Variants in RSRC1 observed in about 807,000 individuals in gnomAD.
The protein encoded by RSRC1 is arginine and serine rich coiled-coil 1.
Under a neutral mutation model 49.1 loss-of-function variants are expected in RSRC1, and 39 were observed. That is an observed-to-expected ratio of 0.79 (90% confidence interval 0.61 to 1.04). The LOEUF (loss-of-function observed/expected upper bound fraction) is 1.04. Ranked by LOEUF, RSRC1 falls within the 50% of genes least tolerant of loss-of-function variation. The pLI is 0.00. For missense variants in RSRC1, 388 were observed against 402.4 expected (o/e 0.96, Z 0.31); for synonymous variants, 143 against 130.8 (o/e 1.09, Z -0.63).
intron 5 of RSRC1, among the ~76,000 whole-genome samples, chr3:158,308,147 C>T (rs1727940427): frequency 6.6e-6 from 1 of 151,926 alleles, no homozygotes; most frequent in Non-Finnish European, 1.5e-5. Flanking sequence ...CCTAAATGAT[C>T]AGATGCCGAA....
At chr3:158,352,561 T>G (rs1730934984) in intron 5 of RSRC1, among the ~76,000 whole-genome samples, 1 of 152,212 alleles carries the variant, frequency 6.6e-6, no homozygotes. Context: ...GATTTTTCTA[T>G]TAAAGGACAC....
At chr3:158,196,639 G>A (rs1258557920) in intron 3 of RSRC1, among the ~76,000 whole-genome samples, 3 of 152,136 alleles carry the variant, frequency 2.0e-5, no homozygotes, top group African/African-American at 7.2e-5. Context: ...CTGTGGGTTT[G>A]TGATAGATAG....
intron 7 of RSRC1, among the ~76,000 whole-genome samples, chr3:158,477,638 G>T (rs1400947438): frequency 6.6e-6 from 1 of 151,472 alleles, no homozygotes; most frequent in Non-Finnish European, 1.5e-5. Flanking sequence ...ATGCACTAGG[G>T]AAGAGTAAAT....
chr3:158,390,620 G>C (rs1029347801), intron 6 of RSRC1, among the ~76,000 whole-genome samples: 5 of 151,830 alleles, frequency 3.3e-5, no homozygotes, highest in Non-Finnish European at 7.4e-5. Flanking sequence ...TATAATAATC[G>C]TAATATAAAT....
At chr3:158,321,707 C>T (rs1728772550) in intron 5 of RSRC1, among the ~76,000 whole-genome samples, 1 of 151,758 alleles carries the variant, frequency 6.6e-6, no homozygotes, top group South Asian at 2.1e-4. Context: ...ACCAACCTAA[C>T]AGAAGTTATC....
intron 3 of RSRC1, among the ~76,000 whole-genome samples, chr3:158,169,904 T>C (rs1718774124): frequency 6.6e-6 from 1 of 152,240 alleles, no homozygotes; most frequent in African/African-American, 2.4e-5. Context: ...TTCAAAACTT[T>C]GCCAAGAAGA....
At chr3:158,173,732 A>G (rs1719021179) in intron 3 of RSRC1, among the ~76,000 whole-genome samples, 1 of 152,026 alleles carries the variant, frequency 6.6e-6, no homozygotes, top group African/African-American at 2.4e-5. Context: ...TGAACGAATA[A>G]ACAAAATGTG....
At chr3:158,517,728 A>G (rs960214691) in intron 7 of RSRC1, among the ~76,000 whole-genome samples, 6 of 133,574 alleles carry the variant, frequency 4.5e-5, no homozygotes, top group Admixed American at 2.4e-4. Flanking sequence ...TGCTGAAACT[A>G]TAGGTGTATA....
At chr3:158,234,598 T>TA (rs34402121) in intron 4 of RSRC1, among the ~76,000 whole-genome samples, 103,288 of 151,520 alleles carry the variant, frequency 0.68, 35,629 homozygotes, top group East Asian at 0.84. Context: ...CTTCCTCATA[T>TA]TTTTTTTAAA....
In RSRC1 at chr3:158,203,162, A is replaced by G; in HGVS notation, c.411A>G (p.Glu137=). 1 of 1,613,554 alleles carries G rather than the reference A, an allele frequency of 6.2e-7. No individual in the cohort carries two copies. Among genetic ancestry groups the G allele is most frequent in the Non-Finnish European group, 8.5e-7 (1 of 1,179,610 alleles). ...RRTRSRSRDR[E]RRKGRDKEKR... Reference sequence around the variant, plus strand: ...CGCGTAGTCGGTCTCGGGATAGAGAACGACGTAAGGGCAGAGATAAAGAGA... The same window carrying G: ...CGCGTAGTCGGTCTCGGGATAGAGAGCGACGTAAGGGCAGAGATAAAGAGA... The change falls in exon 4 of 10, where the codon GAA becomes GAG. Residue 137 remains glutamate (E), a synonymous_variant. Transcript: ENST00000611884.
At chr3:158,196,482 T>C (rs1559938158) in intron 3 of RSRC1, among the ~76,000 whole-genome samples, 1 of 152,198 alleles carries the variant, frequency 6.6e-6, no homozygotes, top group Non-Finnish European at 1.5e-5. Context: ...CCTAATTGAA[T>C]ACCCTTTATT....
chr3:158,229,314 A>C, intron 4 of RSRC1, among the ~76,000 whole-genome samples: 1 of 150,642 alleles, frequency 6.6e-6, no homozygotes, highest in Non-Finnish European at 1.5e-5. Context: ...ATGTATGTAT[A>C]TAAACATACA....
At chr3:158,473,062 G>A (rs529825497) in intron 7 of RSRC1, among the ~76,000 whole-genome samples, 1 of 152,138 alleles carries the variant, frequency 6.6e-6, no homozygotes, top group Non-Finnish European at 1.5e-5. Context: ...TTACACTGTC[G>A]GTGGGACTGT....
At chr3:158,465,096 C>G (rs1737814139) in intron 7 of RSRC1, among the ~76,000 whole-genome samples, 1 of 152,160 alleles carries the variant, frequency 6.6e-6, no homozygotes, top group African/African-American at 2.4e-5. Context: ...GGTTGCCTCA[C>G]TTGAGTTTCT....
intron 7 of RSRC1, among the ~76,000 whole-genome samples, chr3:158,516,681 G>A (rs187214338): frequency 5.3e-5 from 8 of 152,214 alleles, no homozygotes; most frequent in Non-Finnish European, 1.0e-4. Flanking sequence ...AATGGTGGGC[G>A]CCCCTTCCCC....
At chr3:158,390,402 G>A (rs7431134) in intron 6 of RSRC1, among the ~76,000 whole-genome samples, 5,841 of 152,144 alleles carry the variant, frequency 0.038, 154 homozygotes, top group Non-Finnish European at 0.059. Context: ...CTGAGGGGCC[G>A]CATGTATCTA....
chr3:158,381,327 G>A (rs1732685296), intron 6 of RSRC1, among the ~76,000 whole-genome samples: 1 of 152,136 alleles, frequency 6.6e-6, no homozygotes, highest in African/African-American at 2.4e-5. Context: ...ATGAGCTCAA[G>A]TGTTACATGT....
intron 3 of RSRC1, among the ~76,000 whole-genome samples, chr3:158,152,929 T>G (rs1717636144): frequency 6.6e-6 from 1 of 152,210 alleles, no homozygotes; most frequent in South Asian, 2.1e-4. Flanking sequence ...TCTTAGTAGA[T>G]CTAATAACCC....
At chr3:158,346,160 A>G (rs1329936073) in intron 5 of RSRC1, among the ~76,000 whole-genome samples, 3 of 152,176 alleles carry the variant, frequency 2.0e-5, no homozygotes, top group African/African-American at 7.2e-5. Flanking sequence ...CTAAAAGAGG[A>G]AATTGGCAGA....
Sources: gnomAD v4.1 joint callset for allele counts (sites outside exome capture counted in the v4.1 genomes callset) on GRCh38, gnomAD v4.1.1 for gene constraint, MANE v1.5 for transcripts, NCBI Gene and HGNC (gene_info 2026-07-23, HGNC 2026-07-21) for gene names.